YAE1: variants seen among roughly 807,000 people sequenced by gnomAD.
YAE1 encodes the protein protein YAE1 homolog.
YAE1 carries 22 observed loss-of-function variants against 23.0 expected under a neutral mutation model. That is an observed-to-expected ratio of 0.96 (90% confidence interval 0.68 to 1.37). YAE1 has a LOEUF of 1.37. Among genes scored for constraint, YAE1 ranks in the 40% most tolerant of loss-of-function variants. YAE1 has a pLI of 0.00. For missense variants in YAE1, 260 were observed against 262.1 expected (o/e 0.99, Z 0.06); for synonymous variants, 101 against 97.0 (o/e 1.04, Z -0.24).
At chr7:39,610,032 C>T in exon 3 of YAE1, 1 of 1,490,694 alleles carries the variant, frequency 6.7e-7, no homozygotes, top group Non-Finnish European at 8.9e-7. Flanking sequence ...GAAAGCCAGC[C>T]TCAGTCCTCA....
At chr7:39,597,949 A>G (rs1791000361) in intron 2 of YAE1, among the ~76,000 whole-genome samples, 1 of 152,168 alleles carries the variant, frequency 6.6e-6, no homozygotes, top group South Asian at 2.1e-4. Context: ...AAGTGAGATA[A>G]GAAAAATTTT....
At chr7:39,588,501 CAAA>C (rs5883697) in intron 2 of YAE1, among the ~76,000 whole-genome samples, 29 of 121,046 alleles carry the variant, frequency 2.4e-4, no homozygotes, top group Admixed American at 3.3e-4. Flanking sequence ...GACTCCATCT[CAAA>C]AAAAAAAAAA....
intron 2 of YAE1, among the ~76,000 whole-genome samples, chr7:39,584,443 T>C (rs1189501343): frequency 7.9e-5 from 12 of 152,210 alleles, no homozygotes; most frequent in Non-Finnish European, 1.5e-4. Flanking sequence ...TTCATATAAA[T>C]GAAAAATCTG....
At chr7:39,604,678 G>GT (rs1278417205) in intron 2 of YAE1, among the ~76,000 whole-genome samples, 1 of 152,096 alleles carries the variant, frequency 6.6e-6, no homozygotes, top group African/African-American at 2.4e-5. Context: ...GGTTTCAGTG[G>GT]TTTTTTCAAC....
At chr7:39,596,057 C>T (rs1790968004) in intron 2 of YAE1, among the ~76,000 whole-genome samples, 3 of 152,190 alleles carry the variant, frequency 2.0e-5, no homozygotes, top group Admixed American at 2.0e-4. Context: ...GAGACAAAGG[C>T]AGTCGCACAT....
rs144313925 is a variant in YAE1, at chr7:39,591,381, A to T, written c.252-18236A>T. On this transcript the variant is annotated intron_variant, in intron 2 of 2. Transcript: ENST00000432096. Reference sequence around the variant, plus strand: ...GATACTGTTCGACACATAGTACTAAATACTTTTTAAGCATTTTTTATGGGT... The same window carrying T: ...GATACTGTTCGACACATAGTACTAATTACTTTTTAAGCATTTTTTATGGGT... Among the ~76,000 whole-genome samples, 19 of 152,324 alleles carry T rather than the reference A, an allele frequency of 1.2e-4. No individual in the cohort carries two copies. In the East Asian group the frequency reaches 3.5e-3, roughly 28 times the overall value.
intron 2 of YAE1, among the ~76,000 whole-genome samples, chr7:39,586,058 C>T (rs1008497531): frequency 6.6e-6 from 1 of 152,282 alleles, no homozygotes; most frequent in South Asian, 2.1e-4. Flanking sequence ...CGCGATCGCA[C>T]CACCGCACTC....
chr7:39,574,985 G>A (rs138104126), downstream of YAE1, among the ~76,000 whole-genome samples: 31 of 152,340 alleles, frequency 2.0e-4, 1 homozygote, highest in East Asian at 5.0e-3. Flanking sequence ...CCATGAACAT[G>A]AGCCTCTGTA....
exon 3 of YAE1, chr7:39,610,125 T>A (rs1262041084): frequency 2.1e-6 from 2 of 936,308 alleles, no homozygotes; most frequent in Non-Finnish European, 3.1e-6. Context: ...TAGAACAATA[T>A]GTACACGTCT....
intron 2 of YAE1, among the ~76,000 whole-genome samples, chr7:39,578,129 A>G (rs867449983): frequency 6.6e-5 from 10 of 152,156 alleles, no homozygotes; most frequent in Middle Eastern, 6.8e-3. Flanking sequence ...GAGAACTTCT[A>G]TGTCTAGCTG....
At chr7:39,580,845 C>G (rs899943242) in intron 2 of YAE1, among the ~76,000 whole-genome samples, 1 of 152,120 alleles carries the variant, frequency 6.6e-6, no homozygotes, top group Non-Finnish European at 1.5e-5. Context: ...ATCAAAATAA[C>G]TGATCATAAG....
rs748451030 is a variant in YAE1, at chr7:39,572,355, T to C, written c.330T>C (p.Val110=). The part of the protein sequence containing the change: ...INKINNLLDA[V]GQCEEYVLKH... The stretch of plus-strand genomic sequence containing the variant: ...AAATAAACAATCTTCTGGATGCAGT[T>C]GGCCAGTGTGAAGAGTATGTGCTCA... Residue 110 remains valine (V), a synonymous_variant, in exon 3 of 3, where the codon GTT becomes GTC. Coordinates refer to ENST00000223273, the MANE Select transcript of YAE1 (RefSeq NM_020192.5). 1 of 1,614,150 alleles carries C rather than the reference T, an allele frequency of 6.2e-7. No homozygotes were observed. Among genetic ancestry groups the C allele is most frequent in the East Asian group, 2.2e-5 (1 of 44,876 alleles).
rs537049816 is a variant in YAE1, at chr7:39,570,513, A to G, written c.137A>G (p.Tyr46Cys). ...TCCATTACTTATTTTTAGGAAGGTT[A>G]TAGAGATGGAATAGATGCTGGCAAA... is the stretch of plus-strand genomic sequence containing the variant. ...SNMQRRVKEGYRDGIDAGKAV... is the reference protein window; with the variant it reads ...SNMQRRVKEGCRDGIDAGKAV... The change falls in exon 2 of 3, where the codon TAT (tyrosine) becomes TGT (cysteine). Residue 46 changes from tyrosine (Y) to cysteine (C), a missense_variant. By Grantham distance (194) the Tyr-to-Cys change is radical (BLOSUM62 -2). Coordinates refer to ENST00000223273, the MANE Select transcript of YAE1 (RefSeq NM_020192.5). 5 of 1,610,656 alleles carry G rather than the reference A, an allele frequency of 3.1e-6. No individual in the cohort carries two copies. In the African/African-American group the frequency reaches 5.3e-5, roughly 17 times the overall value.
intron 2 of YAE1, among the ~76,000 whole-genome samples, chr7:39,582,950 T>C (rs1458192305): frequency 6.6e-6 from 1 of 152,218 alleles, no homozygotes; most frequent in African/African-American, 2.4e-5. Flanking sequence ...ATGTATCAAA[T>C]CAAAGCCATT....
intron 2 of YAE1, among the ~76,000 whole-genome samples, chr7:39,603,658 G>C (rs1369520943): frequency 6.6e-6 from 1 of 152,102 alleles, no homozygotes; most frequent in Non-Finnish European, 1.5e-5. Context: ...AATATCTAAT[G>C]ATTCATTTTA....
chr7:39,578,509 ACT>A (rs1315092177), intron 2 of YAE1, among the ~76,000 whole-genome samples: 2 of 152,116 alleles, frequency 1.3e-5, no homozygotes, highest in Admixed American at 6.5e-5. Flanking sequence ...GAGCTGTAAC[ACT>A]CACTGCAACG....
At chr7:39,600,135 A>C (rs1174077978) in intron 2 of YAE1, among the ~76,000 whole-genome samples, 1 of 152,176 alleles carries the variant, frequency 6.6e-6, no homozygotes, top group Non-Finnish European at 1.5e-5. Flanking sequence ...TCCACTACCT[A>C]GCATAGTGCT....
downstream of YAE1, among the ~76,000 whole-genome samples, chr7:39,610,992 A>T (rs1791206167): frequency 6.6e-6 from 1 of 151,994 alleles, no homozygotes; most frequent in Non-Finnish European, 1.5e-5. Context: ...TACTAAAAAT[A>T]CAAAAATTAG....
At chr7:39,577,162 C>G (rs1169640482), downstream of YAE1, among the ~76,000 whole-genome samples, 1 of 152,216 alleles carries the variant, frequency 6.6e-6, no homozygotes, top group African/African-American at 2.4e-5. Context: ...TCCCAAAGTG[C>G]TGGGATTACA....
Sources: allele counts gnomAD v4.1 joint callset (sites outside exome capture counted in the v4.1 genomes callset), GRCh38; gene constraint gnomAD v4.1.1; transcripts MANE v1.5; gene names NCBI Gene and HGNC (gene_info 2026-07-23, HGNC 2026-07-21).